The following PCDH15 variants were observed in gnomAD, a reference collection of about 807,000 sequenced individuals.
PCDH15 encodes the protein protocadherin related 15.
PCDH15 carries 129 observed loss-of-function variants against 178.5 expected under a neutral mutation model. That is an observed-to-expected ratio of 0.72 (90% CI 0.63 to 0.84). The LOEUF (loss-of-function observed/expected upper bound fraction) is 0.84, where lower values mean the gene tolerates loss of function less well. PCDH15 is among the 40% of genes least tolerant of loss of function. The pLI is 0.00. For missense variants in PCDH15, 2,230 were observed against 2,099.9 expected (o/e 1.06, Z -1.21); for synonymous variants, 800 against 732.0 (o/e 1.09, Z -1.50).
At chr10:54,997,659 T>G (rs1433690889) in intron 2 of PCDH15, among the ~76,000 whole-genome samples, 1 of 152,192 alleles carries the variant, frequency 6.6e-6, no homozygotes, top group African/African-American at 2.4e-5. Flanking sequence ...TTCGGAATTA[T>G]TGGCAAAATA....
chr10:55,057,864 C>A (rs577246399), intron 2 of PCDH15, among the ~76,000 whole-genome samples: 1 of 152,118 alleles, frequency 6.6e-6, no homozygotes, highest in Non-Finnish European at 1.5e-5. Context: ...GCATTCCATT[C>A]TTTAAATGAT....
chr10:53,924,958 C>T (rs561497285), intron 25 of PCDH15, among the ~76,000 whole-genome samples: 43 of 152,258 alleles, frequency 2.8e-4, no homozygotes, highest in Non-Finnish European at 4.7e-4. Flanking sequence ...ATTGTAAACG[C>T]ACCAATCAGC....
intron 1 of PCDH15, among the ~76,000 whole-genome samples, chr10:55,182,940 A>T (rs963197694): frequency 1.4e-4 from 22 of 151,972 alleles, no homozygotes; most frequent in Non-Finnish European, 3.2e-4. Flanking sequence ...TCTGTATCCA[A>T]TCCAGGTGGG....
intron 15 of PCDH15, among the ~76,000 whole-genome samples, chr10:54,107,176 ATAC>A (rs2094931434): frequency 6.6e-6 from 1 of 152,200 alleles, no homozygotes; most frequent in Non-Finnish European, 1.5e-5. Context: ...GTTCTCTTAT[ATAC>A]TACTTGATTT....
chr10:55,322,226 T>C (rs952722085), upstream of PCDH15, among the ~76,000 whole-genome samples: 4 of 152,138 alleles, frequency 2.6e-5, no homozygotes, highest in Admixed American at 2.6e-4. Context: ...ATGTAAGAGG[T>C]GCCTTTGCTT....
At chr10:54,340,517 C>T (rs554909997) in intron 6 of PCDH15, among the ~76,000 whole-genome samples, 2 of 152,112 alleles carry the variant, frequency 1.3e-5, no homozygotes, top group African/African-American at 4.8e-5. Flanking sequence ...TGCAGCAACT[C>T]GGTCCTAACC....
intron 3 of PCDH15, among the ~76,000 whole-genome samples, chr10:54,503,621 A>T (rs2080916788): frequency 6.6e-6 from 1 of 152,014 alleles, no homozygotes; most frequent in African/African-American, 2.4e-5. Flanking sequence ...CTCCCGAGAC[A>T]TACAAGAATT....
At chr10:54,602,023 T>G (rs778108302) in intron 2 of PCDH15, among the ~76,000 whole-genome samples, 7 of 151,826 alleles carry the variant, frequency 4.6e-5, no homozygotes, top group Non-Finnish European at 8.8e-5. Context: ...AAAAAAGTAG[T>G]TATTAGCTAC....
At chr10:55,145,861 G>T (rs1341797423) in intron 2 of PCDH15, among the ~76,000 whole-genome samples, 2 of 130,408 alleles carry the variant, frequency 1.5e-5, no homozygotes, top group Non-Finnish European at 3.5e-5. Context: ...TTAAGTACTT[G>T]TTCTTACAAA....
At chr10:54,417,881 T>G (rs1954677759) in intron 3 of PCDH15, among the ~76,000 whole-genome samples, 1 of 152,222 alleles carries the variant, frequency 6.6e-6, no homozygotes, top group African/African-American at 2.4e-5. Flanking sequence ...TGGTTATGGT[T>G]CACAGGTACA....
chr10:54,600,816 C>T (rs2092485669), intron 2 of PCDH15: 2 of 376,202 alleles, frequency 5.3e-6, no homozygotes, highest in Non-Finnish European at 5.1e-6. Context: ...TATGAGGAGA[C>T]TGCATGCAAG....
At chr10:55,289,248 A>T (rs1842949876) in intron 1 of PCDH15, among the ~76,000 whole-genome samples, 1 of 152,080 alleles carries the variant, frequency 6.6e-6, no homozygotes, top group Admixed American at 6.6e-5. Context: ...AGGAACTGAG[A>T]TTCTAAATTT....
chr10:55,401,790 T>C (rs982491084), intron 2 of PCDH15, among the ~76,000 whole-genome samples: 1 of 152,004 alleles, frequency 6.6e-6, no homozygotes, highest in Admixed American at 6.6e-5. Flanking sequence ...ACAAAACATA[T>C]TGATATTTGG....
At chr10:55,386,123 CACTA>C (rs1228300080) in intron 2 of PCDH15, among the ~76,000 whole-genome samples, 2 of 151,698 alleles carry the variant, frequency 1.3e-5, no homozygotes, top group Non-Finnish European at 2.9e-5. Context: ...AAAAGAAACA[CACTA>C]ACTACACAAG....
intron 2 of PCDH15, among the ~76,000 whole-genome samples, chr10:55,354,103 T>C: frequency 6.6e-6 from 1 of 152,064 alleles, no homozygotes; most frequent in East Asian, 1.9e-4. Context: ...TGGAGCCACA[T>C]AGTGATAGTT....
At chr10:53,901,667 A>G (rs1378687044) in intron 26 of PCDH15, among the ~76,000 whole-genome samples, 1 of 152,086 alleles carries the variant, frequency 6.6e-6, no homozygotes, top group East Asian at 1.9e-4. Context: ...CCCCAGGTAC[A>G]TTTCTGATCT....
At chr10:54,561,448 A>C (rs2088137805) in intron 2 of PCDH15, among the ~76,000 whole-genome samples, 1 of 152,198 alleles carries the variant, frequency 6.6e-6, no homozygotes, top group African/African-American at 2.4e-5. Flanking sequence ...ATCTTAGTTA[A>C]TCAGGGACTT....
At chr10:54,904,494 C>A (rs1025760077) in intron 2 of PCDH15, among the ~76,000 whole-genome samples, 2 of 151,738 alleles carry the variant, frequency 1.3e-5, no homozygotes, top group African/African-American at 4.8e-5. Flanking sequence ...CAGGTTGGAA[C>A]AAAATCTATA....
intron 1 of PCDH15, among the ~76,000 whole-genome samples, chr10:55,284,877 T>C (rs1842827150): frequency 6.6e-6 from 1 of 151,948 alleles, no homozygotes; most frequent in South Asian, 2.1e-4. Flanking sequence ...GTAGTGCTAA[T>C]GTTTGGCTTC....
Sources: gnomAD v4.1 joint callset for allele counts (sites outside exome capture counted in the v4.1 genomes callset) on GRCh38, gnomAD v4.1.1 for gene constraint, MANE v1.5 for transcripts, NCBI Gene and HGNC (gene_info 2026-07-23, HGNC 2026-07-21) for gene names.